DCK: variants seen among roughly 807,000 people sequenced by gnomAD.
DCK encodes deoxyadenosine kinase.
In DCK, 23 loss-of-function variants were observed where a neutral mutation model predicts 38.3. The observed-to-expected ratio is 0.60, with a 90% CI of 0.43 to 0.85. The LOEUF is 0.85. Among genes scored for constraint, DCK ranks in the 40% least tolerant of loss-of-function variants. The pLI is 0.00. For synonymous variants in DCK, 108 were observed against 100.6 expected (o/e 1.07, Z -0.44); for missense variants, 259 against 304.4 (o/e 0.85, Z 1.11).
chr4:71,026,304 G>A (rs912419678), intron 5 of DCK, among the ~76,000 whole-genome samples: 1 of 152,078 alleles, frequency 6.6e-6, no homozygotes, highest in Non-Finnish European at 1.5e-5. Flanking sequence ...CTTGGCTCAA[G>A]TCCAGTCTTA....
intron 2 of DCK, among the ~76,000 whole-genome samples, chr4:71,003,053 G>T (rs1368828738): frequency 6.6e-6 from 1 of 152,072 alleles, no homozygotes; most frequent in Non-Finnish European, 1.5e-5. Flanking sequence ...TCATAGTGTC[G>T]ATGGTCTTTA....
chr4:71,014,692 G>A (rs1050203983), intron 2 of DCK, among the ~76,000 whole-genome samples: 47 of 152,154 alleles, frequency 3.1e-4, no homozygotes, highest in South Asian at 8.3e-4. Flanking sequence ...ACGAAATGAA[G>A]GCAGAAATAA....
At chr4:71,026,035 C>T in intron 5 of DCK, 104 bp downstream of exon 5, 3 of 1,328,476 alleles carry the variant, frequency 2.3e-6, no homozygotes, top group Non-Finnish European at 2.9e-6. Context: ...GTAAAATTTC[C>T]AGTCGTTTTG....
intron 2 of DCK, among the ~76,000 whole-genome samples, chr4:71,013,023 C>T (rs774676992): frequency 3.3e-5 from 5 of 151,494 alleles, no homozygotes; most frequent in African/African-American, 4.8e-5. Context: ...TGAAAAAAGA[C>T]GAATGGCTAA....
chr4:71,029,331 T>G lies in DCK; in HGVS notation c.757-21T>G, dbSNP rs1408169094. On this transcript the variant is annotated intron_variant, in intron 6 of 6. Transcript: ENST00000286648. Reference sequence around the variant, plus strand: ...AATTAGTCAAGGAATTATACTGATTTTTTTTTCTTCCTTTCCTCAGGTCAA... The same window carrying G: ...AATTAGTCAAGGAATTATACTGATTGTTTTTTCTTCCTTTCCTCAGGTCAA... 3 of 1,557,842 alleles carry G rather than the reference T, an allele frequency of 1.9e-6. No homozygotes were observed. The East Asian group carries it at 6.7e-5, about 35-fold the overall frequency.
chr4:71,011,610 G>A (rs569991054), intron 2 of DCK, among the ~76,000 whole-genome samples: 49 of 152,058 alleles, frequency 3.2e-4, no homozygotes, highest in South Asian at 1.0e-3. Context: ...CGCCTGCCTC[G>A]GCCTCCCAAA....
At chr4:70,996,759 A>G (rs1194805673) in intron 1 of DCK, among the ~76,000 whole-genome samples, 1 of 152,024 alleles carries the variant, frequency 6.6e-6, no homozygotes, top group Non-Finnish European at 1.5e-5. Flanking sequence ...GTTCTGTGTT[A>G]CTCAAATGTT....
At chr4:70,993,999 ATC>A (rs759403464) in intron 1 of DCK, 73 bp downstream of exon 1, 304 of 1,084,846 alleles carry the variant, frequency 2.8e-4, no homozygotes, top group East Asian at 6.7e-4. Flanking sequence ...CCTTCGCCGC[ATC>A]TCTCTGCAGC....
chr4:71,001,934 T>C (rs1250845241), intron 2 of DCK, among the ~76,000 whole-genome samples: 2 of 152,336 alleles, frequency 1.3e-5, no homozygotes, highest in South Asian at 2.1e-4. Context: ...TCTGGATTCA[T>C]TGATTTTTTG....
At chr4:71,013,440 T>C (rs953266711) in intron 2 of DCK, among the ~76,000 whole-genome samples, 5 of 151,996 alleles carry the variant, frequency 3.3e-5, no homozygotes, top group African/African-American at 1.2e-4. Context: ...GAAGAGCAAC[T>C]CCAAGACACA....
Position 71,017,770 on chromosome 4 carries a change from G to T in DCK, c.208-4597G>T, listed in dbSNP as rs191624587. ...CAGGAATGTGAACATCACACACTGG[G>T]GCCTGTTGTGGGGTGGGGGGAGGGG... On this transcript the variant is annotated intron_variant, in intron 2 of 6. Coordinates refer to ENST00000286648, the MANE Select transcript of DCK (RefSeq NM_000788.3). Among the ~76,000 whole-genome samples, 3 of 125,902 alleles carry T rather than the reference G, an allele frequency of 2.4e-5. No homozygotes were observed. In the East Asian group the frequency reaches 8.2e-4, roughly 35 times the overall value. 82.6% of individuals were successfully genotyped at this position (125,902 alleles called of 152,430 possible).
At position 71,023,652 on chromosome 4, in the gene DCK, A is replaced by G. The variant is rs576990251; in HGVS notation, c.495A>G (p.Gln165=). Residue 165 remains glutamine (Q), a synonymous_variant, in exon 4 of 7, where the codon CAA becomes CAG. Transcript: ENST00000286648. ...ACTGGCATGACTGGATGAATAACCA[A>G]TTTGGCCAAAGCCTTGAATTGGATG... The part of the protein sequence containing the change: ...YQDWHDWMNN[Q]FGQSLELDGI... 1.1e-5 allele frequency: 17 copies of G among 1,613,744 alleles called. No individual in the cohort carries two copies. Among genetic ancestry groups the G allele is most frequent in the East Asian group, 6.7e-5 (3 of 44,858 alleles).
rs1454342701 is a variant in DCK, at chr4:71,030,217, T to G, written c.*839T>G. On this transcript the variant is annotated 3_prime_UTR_variant, in exon 7 of 7. Coordinates refer to ENST00000286648, the MANE Select transcript of DCK (RefSeq NM_000788.3). The stretch of plus-strand genomic sequence containing the variant: ...CATCCATTAATTAATGAGACACACT[T>G]AACTACTTATCTCTAAACCATCTAT... The G allele has an allele frequency of 6.6e-6, 1 of 152,444 alleles. No homozygotes were observed. The highest frequency in any genetic ancestry group is 2.4e-5 in the African/African-American group (1 of 41,304). The allele number at this position is 152,444 out of a possible 1,614,324, so 9.4% of individuals were successfully genotyped here.
chr4:71,025,810 T>C lies in DCK; in HGVS notation c.550-6T>C. 1 of 1,592,992 alleles carries C rather than the reference T, an allele frequency of 6.3e-7. No individual in the cohort carries two copies. The highest frequency in any genetic ancestry group is 8.5e-7 in the Non-Finnish European group (1 of 1,172,814). ...TTTTCTTCCATCTCTTATTACTTGCTTTTAGACATGCTTACATAGAATATA... is the reference window on the plus strand; with the variant it reads ...TTTTCTTCCATCTCTTATTACTTGCCTTTAGACATGCTTACATAGAATATA... On this transcript the variant is annotated splice_polypyrimidine_tract_variant and splice_region_variant and intron_variant, in intron 4 of 6. Transcript: ENST00000286648.
rs760561814 is a variant in DCK, at chr4:71,026,693, C to A, written c.694C>A (p.Pro232Thr). ...KTNFDYLQEV[P>T]ILTLDVNEDF... ...CAACTTCGATTATCTTCAAGAGGTG[C>A]CTATCTTAACACTGGATGTTAATGA... Residue 232 changes from proline to threonine, a missense_variant, in exon 6 of 7, where the codon CCT becomes ACT. Pro to Thr is a conservative substitution (Grantham distance 38). Around this residue, in one of 3 missense-constraint regions of DCK, gnomAD observed 82 missense variants for 103.8 expected, o/e 0.79. Transcript: ENST00000286648. The A allele has an allele frequency of 6.4e-7, 1 of 1,572,718 alleles. No individual in the cohort carries two copies. The highest frequency in any genetic ancestry group is 1.7e-5 in the Admixed American group (1 of 58,426).
intron 6 of DCK, chr4:71,028,600 A>C: frequency 3.3e-6 from 1 of 300,704 alleles, no homozygotes; most frequent in Non-Finnish European, 6.7e-6. Flanking sequence ...ATTTAACAAT[A>C]TTTCTTTTTT....
In DCK at chr4:71,021,145, G is replaced by A. The variant is rs367818679; in HGVS notation, c.208-1222G>A. On this transcript the variant is annotated intron_variant, in intron 2 of 6. Coordinates refer to ENST00000286648, the MANE Select transcript of DCK (RefSeq NM_000788.3). ...CTGCGGACTGCAGTGGCGCAATCTC[G>A]GCTCACTGCAAGCTCCGCTTCCCGG... is the stretch of plus-strand genomic sequence containing the variant. Among the ~76,000 whole-genome samples, 23 of 148,670 alleles carry A rather than the reference G, an allele frequency of 1.5e-4. No homozygotes were observed. The South Asian group carries it at 3.8e-3, about 25-fold the overall frequency.
Sources: allele counts gnomAD v4.1 joint callset (sites outside exome capture counted in the v4.1 genomes callset), GRCh38; gene constraint gnomAD v4.1.1; regional missense constraint gnomAD v4.1.1; transcripts MANE v1.5; gene names NCBI Gene and HGNC (gene_info 2026-07-23, HGNC 2026-07-21).